Variants in SEMA5A observed in about 807,000 individuals in gnomAD.
The protein encoded by SEMA5A is semaphorin-5A.
SEMA5A carries 55 observed loss-of-function variants against 135.5 expected under a neutral mutation model. That is an observed-to-expected ratio of 0.41 (90% CI 0.33 to 0.51). The LOEUF is 0.51. Among genes scored for constraint, SEMA5A ranks in the 20% least tolerant of loss-of-function variants. SEMA5A has a pLI of 0.37. For missense variants in SEMA5A, 1,290 were observed against 1,419.9 expected (o/e 0.91, Z 1.47); for synonymous variants, 580 against 546.5 (o/e 1.06, Z -0.85).
intron 1 of SEMA5A, among the ~76,000 whole-genome samples, chr5:9,476,875 G>A (rs1048862762): frequency 6.6e-6 from 1 of 151,794 alleles, no homozygotes; most frequent in East Asian, 1.9e-4. Flanking sequence ...CCAGGAATTT[G>A]AGACTAGCCT....
At chr5:9,142,828 A>G (rs55784938) in intron 12 of SEMA5A, among the ~76,000 whole-genome samples, 45,200 of 152,072 alleles carry the variant, frequency 0.3, 6,818 homozygotes, top group Non-Finnish European at 0.32. Flanking sequence ...ACCGGGCATG[A>G]TGGCACATGC....
chr5:9,395,409 C>T (rs949803110), intron 2 of SEMA5A, among the ~76,000 whole-genome samples: 1 of 152,112 alleles, frequency 6.6e-6, no homozygotes, highest in Non-Finnish European at 1.5e-5. Flanking sequence ...GAATGTGTGG[C>T]GTACAGGTGT....
chr5:9,117,297 T>C (rs1225603784), intron 15 of SEMA5A, among the ~76,000 whole-genome samples: 1 of 152,236 alleles, frequency 6.6e-6, no homozygotes, highest in Non-Finnish European at 1.5e-5. Flanking sequence ...TAACACATGC[T>C]AAGTTTGTGG....
intron 17 of SEMA5A, among the ~76,000 whole-genome samples, chr5:9,064,337 T>C (rs1000556555): frequency 1.3e-5 from 2 of 152,184 alleles, no homozygotes; most frequent in African/African-American, 4.8e-5. Flanking sequence ...TAAAACTCTA[T>C]GCGCACGTAT....
At chr5:9,485,258 T>TAA (rs57189995) in intron 1 of SEMA5A, among the ~76,000 whole-genome samples, 13 of 145,484 alleles carry the variant, frequency 8.9e-5, no homozygotes, top group East Asian at 4.0e-4. Flanking sequence ...CCCTGGAAAT[T>TAA]AAAAAAAAAA....
At chr5:9,161,018 A>G (rs1399805947) in intron 11 of SEMA5A, among the ~76,000 whole-genome samples, 2 of 152,204 alleles carry the variant, frequency 1.3e-5, no homozygotes, top group Non-Finnish European at 2.9e-5. Flanking sequence ...ACTGAATCTT[A>G]TATTCCCAGT....
At chr5:9,265,301 A>G in intron 5 of SEMA5A, 1 of 388,926 alleles carries the variant, frequency 2.6e-6, no homozygotes, top group Non-Finnish European at 5.2e-6. Flanking sequence ...GCTCTAGACA[A>G]ATAACCTCCT....
intron 16 of SEMA5A, among the ~76,000 whole-genome samples, chr5:9,076,066 A>G (rs550004068): frequency 5.2e-4 from 79 of 151,930 alleles, no homozygotes; most frequent in Non-Finnish European, 1.0e-3. Flanking sequence ...TTAGCTGGGC[A>G]TGGTGGCACG....
At chr5:9,111,033 A>G (rs1740212476) in intron 15 of SEMA5A, among the ~76,000 whole-genome samples, 1 of 152,232 alleles carries the variant, frequency 6.6e-6, no homozygotes, top group Non-Finnish European at 1.5e-5. Flanking sequence ...AGTAAAATTA[A>G]TATGTGTGTT....
At chr5:9,478,223 T>C (rs558288554) in intron 1 of SEMA5A, among the ~76,000 whole-genome samples, 10 of 152,310 alleles carry the variant, frequency 6.6e-5, no homozygotes, top group South Asian at 2.1e-4. Context: ...AACACCTGGA[T>C]GTCGAGGCAT....
chr5:9,227,428 G>A (rs952193961), intron 6 of SEMA5A, among the ~76,000 whole-genome samples: 1 of 152,090 alleles, frequency 6.6e-6, no homozygotes, highest in African/African-American at 2.4e-5. Flanking sequence ...CAGACTTTGA[G>A]AAAATGCTGC....
chr5:9,281,621 T>A (rs758805039), intron 5 of SEMA5A, among the ~76,000 whole-genome samples: 10 of 152,118 alleles, frequency 6.6e-5, no homozygotes, highest in Non-Finnish European at 1.3e-4. Context: ...ACTAACAGGG[T>A]TCTTCAGGGA....
chr5:9,322,200 C>T (rs1369667270), intron 4 of SEMA5A, among the ~76,000 whole-genome samples: 1 of 152,170 alleles, frequency 6.6e-6, no homozygotes, highest in Non-Finnish European at 1.5e-5. Flanking sequence ...TATTTTTCTG[C>T]TTCTCAAGTT....
chr5:9,226,008 G>A (rs894319056), intron 7 of SEMA5A, among the ~76,000 whole-genome samples: 4 of 152,128 alleles, frequency 2.6e-5, no homozygotes, highest in South Asian at 2.1e-4. Flanking sequence ...AAAGAGTAGC[G>A]ATCTTGTGGG....
intron 3 of SEMA5A, among the ~76,000 whole-genome samples, chr5:9,338,024 T>TA (rs1445814427): frequency 1.3e-5 from 2 of 152,010 alleles, no homozygotes; most frequent in South Asian, 4.1e-4. Flanking sequence ...AGCCACCCAA[T>TA]AAAGAGCAAG....
At chr5:9,434,519 A>T (rs2126664322) in intron 2 of SEMA5A, among the ~76,000 whole-genome samples, 1 of 152,262 alleles carries the variant, frequency 6.6e-6, no homozygotes, top group Admixed American at 6.5e-5. Context: ...CTCCAGAGAT[A>T]ATCTCTGTTT....
At chr5:9,219,796 C>T (rs997369726) in intron 8 of SEMA5A, among the ~76,000 whole-genome samples, 1 of 152,036 alleles carries the variant, frequency 6.6e-6, no homozygotes, top group Non-Finnish European at 1.5e-5. Context: ...GAGCCCATAC[C>T]CAAGATTGAA....
At chr5:9,231,333 G>A (rs1747617963) in intron 6 of SEMA5A, among the ~76,000 whole-genome samples, 3 of 151,938 alleles carry the variant, frequency 2.0e-5, no homozygotes, top group African/African-American at 7.3e-5. Flanking sequence ...GTGTGGTAAT[G>A]CATGCCTGTA....
At chr5:9,353,155 A>AGGAAG (rs1754239724) in intron 3 of SEMA5A, among the ~76,000 whole-genome samples, 1 of 78,122 alleles carries the variant, frequency 1.3e-5, no homozygotes, top group African/African-American at 5.2e-5. Context: ...AGGAAAGGAA[A>AGGAAG]GGAAAGGAGG....
Sources: allele counts gnomAD v4.1 joint callset (sites outside exome capture counted in the v4.1 genomes callset), GRCh38; gene constraint gnomAD v4.1.1; transcripts MANE v1.5; gene names NCBI Gene and HGNC (gene_info 2026-07-23, HGNC 2026-07-21).